Variants in AKAP13 observed in about 807,000 individuals in gnomAD.
AKAP13 encodes A-kinase anchor protein 13.
In AKAP13, 80 loss-of-function variants were observed where a neutral mutation model predicts 264.5. The observed-to-expected ratio is 0.30, with a 90% confidence interval of 0.25 to 0.36. AKAP13 has a LOEUF of 0.36. Ranked by LOEUF, AKAP13 falls within the 10% of genes least tolerant of loss-of-function variation. The pLI is 1.00. For missense variants in AKAP13, 3,712 were observed against 3,435.2 expected (o/e 1.08, Z -2.01); for synonymous variants, 1,380 against 1,250.2 (o/e 1.10, Z -2.19).
intron 11 of AKAP13, among the ~76,000 whole-genome samples, chr15:85,657,574 A>G (rs1034380464): frequency 3.9e-5 from 6 of 152,080 alleles, no homozygotes; most frequent in Admixed American, 2.6e-4. Flanking sequence ...CTATAATTCC[A>G]TATTATTCTA....
intron 1 of AKAP13, among the ~76,000 whole-genome samples, chr15:85,475,462 T>C (rs1487356315): frequency 6.6e-6 from 1 of 152,214 alleles, no homozygotes; most frequent in African/African-American, 2.4e-5. Flanking sequence ...ACCACAAGCC[T>C]GTGTTAAACA....
At chr15:85,455,483 G>A (rs905473075) in intron 1 of AKAP13, among the ~76,000 whole-genome samples, 2 of 151,922 alleles carry the variant, frequency 1.3e-5, no homozygotes, top group Non-Finnish European at 2.9e-5. Flanking sequence ...GGCGGGAGGG[G>A]AATTTTAGTC....
At chr15:85,682,981 G>T (rs954289004) in intron 15 of AKAP13, among the ~76,000 whole-genome samples, 2 of 92,360 alleles carry the variant, frequency 2.2e-5, no homozygotes, top group Non-Finnish European at 4.6e-5. Flanking sequence ...GCAAGCAAAA[G>T]ATTTCTGTTC....
In AKAP13 at chr15:85,591,897, A is replaced by G. The variant is rs117184677; in HGVS notation, c.4161+6074A>G. ...ACCAGTATATATTGTCAGGGCTCCT[A>G]TGGTCCTAACAGTCAAACACTCAAG... On this transcript the variant is annotated intron_variant, in intron 8 of 36. Transcript: ENST00000394518. Among the ~76,000 whole-genome samples, 115 of 152,300 alleles carry G rather than the reference A, an allele frequency of 7.6e-4. 2 individuals carry two copies. In the East Asian group the frequency reaches 0.021, roughly 28 times the overall value.
chr15:85,664,450 C>G (rs1305805838), intron 12 of AKAP13, 113 bp from the exon 13 acceptor site: 11 of 1,079,342 alleles, frequency 1.0e-5, no homozygotes, highest in South Asian at 9.2e-5. Flanking sequence ...GTTTTGCTAG[C>G]TGACATAGAA....
intron 8 of AKAP13, among the ~76,000 whole-genome samples, chr15:85,615,335 C>G (rs1016663782): frequency 1.3e-5 from 2 of 152,152 alleles, no homozygotes; most frequent in African/African-American, 4.8e-5. Context: ...CTTTTACTGT[C>G]TTGTAATCTT....
Position 85,487,234 on chromosome 15 carries a change from T to A in AKAP13, c.33+1481T>A, listed in dbSNP as rs368904042. On this transcript the variant is annotated intron_variant, in intron 2 of 36. Transcript: ENST00000394518. ...CAGAGATCGTTTTCTTCCTTTCCAA[T>A]CTGGATGCGTTTTATTTCTTTTTCT... Among the ~76,000 whole-genome samples the A allele has an allele frequency of 1.1e-4, 16 of 152,278 alleles. 1 individual carries two copies. The East Asian group carries it at 3.1e-3, about 29-fold the overall frequency.
chr15:85,642,755 G>A (rs1192700837), intron 9 of AKAP13, among the ~76,000 whole-genome samples: 2 of 152,132 alleles, frequency 1.3e-5, no homozygotes, highest in African/African-American at 4.8e-5. Flanking sequence ...GGCTGAATCT[G>A]GATCTTCCCC....
intron 3 of AKAP13, among the ~76,000 whole-genome samples, chr15:85,529,556 GTGTAAAATTATTGAGTC>G (rs2077184630): frequency 6.6e-6 from 1 of 152,198 alleles, no homozygotes; most frequent in Non-Finnish European, 1.5e-5. Flanking sequence ...GGCATACGCG[GTGTAAAATTATTGAGTC>G]TGTATTATGT....
chr15:85,738,119 C>T (rs192764264), intron 33 of AKAP13, among the ~76,000 whole-genome samples: 20 of 151,934 alleles, frequency 1.3e-4, no homozygotes, highest in Non-Finnish European at 2.4e-4. Context: ...TAAGAGGGGC[C>T]GGGCTCGGTG....
At chr15:85,716,062 T>C (rs1294544903) in intron 20 of AKAP13, 139 bp downstream of exon 20, 2 of 1,093,592 alleles carry the variant, frequency 1.8e-6, no homozygotes, top group African/African-American at 1.7e-5. Flanking sequence ...ACAAGGACGA[T>C]GGGGATTATG....
intron 10 of AKAP13, among the ~76,000 whole-genome samples, chr15:85,650,336 C>G (rs554788172): frequency 1.3e-5 from 2 of 151,958 alleles, no homozygotes; most frequent in Non-Finnish European, 2.9e-5. Flanking sequence ...GAGGCAGAGG[C>G]GAGAGGATCA....
intron 1 of AKAP13, among the ~76,000 whole-genome samples, chr15:85,430,148 T>A (rs1284450905): frequency 3.3e-5 from 5 of 152,218 alleles, no homozygotes; most frequent in Non-Finnish European, 5.9e-5. Context: ...TAAAGTCTCA[T>A]TAATATGGAG....
At chr15:85,576,980 A>G (rs2079035851) in intron 6 of AKAP13, among the ~76,000 whole-genome samples, 1 of 152,160 alleles carries the variant, frequency 6.6e-6, no homozygotes, top group South Asian at 2.1e-4. Context: ...TCTGTTTTAT[A>G]ATGTTTACCA....
intron 1 of AKAP13, among the ~76,000 whole-genome samples, chr15:85,456,895 T>A (rs968373866): frequency 6.6e-6 from 1 of 152,178 alleles, no homozygotes; most frequent in African/African-American, 2.4e-5. Context: ...TCTAAAAATT[T>A]CATGAGGTTG....
chr15:85,630,766 G>A (rs2081744948), intron 8 of AKAP13, among the ~76,000 whole-genome samples: 1 of 151,914 alleles, frequency 6.6e-6, no homozygotes, highest in South Asian at 2.1e-4. Context: ...ACCTACTGTG[G>A]TAGCTACAAT....
chr15:85,719,373 G>T, intron 23 of AKAP13, 47 bp downstream of exon 23: 1 of 1,601,626 alleles, frequency 6.2e-7, no homozygotes, highest in Non-Finnish European at 8.5e-7. Flanking sequence ...TGGGAAAAAG[G>T]GAAGTCATGG....
Position 85,533,771 on chromosome 15 carries a change from A to T in AKAP13, c.369A>T (p.Gly123=). 2.5e-6 allele frequency: 4 copies of T among 1,613,752 alleles called. No homozygotes were observed. Among genetic ancestry groups the T allele is most frequent in the Non-Finnish European group, 3.4e-6 (4 of 1,179,946 alleles). Residue 123 remains glycine, a synonymous_variant, in exon 4 of 37, where the codon GGA becomes GGT. Transcript: ENST00000394518. ...LNFTRFLDQS[G]PPSGDVNSLD... Reference sequence around the variant, plus strand: ...TTACCCGTTTTCTTGACCAGTCAGGACCCCCATCTGGGGATGTGAATTCCC... The same window carrying T: ...TTACCCGTTTTCTTGACCAGTCAGGTCCCCCATCTGGGGATGTGAATTCCC...
At chr15:85,605,292 T>C (rs1201681062) in intron 8 of AKAP13, among the ~76,000 whole-genome samples, 1 of 152,202 alleles carries the variant, frequency 6.6e-6, no homozygotes, top group Non-Finnish European at 1.5e-5. Flanking sequence ...CAGAGGGAGA[T>C]ATTTGCACAC....
Sources: gnomAD v4.1 joint callset for allele counts (sites outside exome capture counted in the v4.1 genomes callset) on GRCh38, gnomAD v4.1.1 for gene constraint, MANE v1.5 for transcripts, NCBI Gene and HGNC (gene_info 2026-07-23, HGNC 2026-07-21) for gene names.